TAF4B: variants seen among roughly 807,000 people sequenced by gnomAD.
TAF4B encodes the protein transcription initiation factor TFIID subunit 4B.
Under a neutral mutation model 86.4 loss-of-function variants are expected in TAF4B, and 38 were observed. The ratio of observed to expected loss-of-function variants is 0.44; its 90% confidence interval spans 0.34 to 0.58. The LOEUF is 0.58. Ranked by LOEUF, TAF4B falls within the 20% of genes least tolerant of loss-of-function variation. The probability of loss-of-function intolerance (pLI) is 0.02; values close to 1 mark genes in which losing one functional copy is unlikely to be tolerated. For synonymous variants in TAF4B, 388 were observed against 391.2 expected (o/e 0.99, Z 0.10); for missense variants, 988 against 1,027.6 (o/e 0.96, Z 0.53).
chr18:26,253,348 G>C (rs1279808740), intron 1 of TAF4B, among the ~76,000 whole-genome samples: 1 of 152,040 alleles, frequency 6.6e-6, no homozygotes, highest in East Asian at 1.9e-4. Flanking sequence ...TGTGTTTTTT[G>C]TCTTTCATTC....
intron 13 of TAF4B, among the ~76,000 whole-genome samples, chr18:26,337,907 C>G (rs958703283): frequency 6.6e-6 from 1 of 152,070 alleles, no homozygotes; most frequent in African/African-American, 2.4e-5. Context: ...GCACAGATGC[C>G]TTATGCTTGC....
At chr18:26,327,272 T>A (rs996938492) in intron 12 of TAF4B, 132 bp downstream of exon 12, 3 of 1,092,900 alleles carry the variant, frequency 2.7e-6, no homozygotes, top group Non-Finnish European at 3.8e-6. Context: ...ACGAAATTAC[T>A]AATAGGATGT....
At chr18:26,293,855 C>A (rs144435078) in intron 9 of TAF4B, among the ~76,000 whole-genome samples, 2 of 152,258 alleles carry the variant, frequency 1.3e-5, no homozygotes, top group East Asian at 3.9e-4. Context: ...CACGATAGAT[C>A]ATTTTTGTCT....
intron 9 of TAF4B, among the ~76,000 whole-genome samples, chr18:26,294,368 A>G (rs1005561462): frequency 1.3e-5 from 2 of 152,006 alleles, no homozygotes; most frequent in Non-Finnish European, 2.9e-5. Flanking sequence ...GCATTTTTCT[A>G]ATGGCTAAAG....
rs1186608403 is a variant in TAF4B, at chr18:26,286,160, A to G, written c.1251A>G (p.Pro417=). The change falls in exon 7 of 15, where the codon CCA becomes CCG. Residue 417 remains proline, a synonymous_variant. Coordinates refer to ENST00000269142, the MANE Select transcript of TAF4B (RefSeq NM_005640.3). Reference sequence around the variant, plus strand: ...TTGTGACACTTCATTCTGTGGGCCCAACTGCTGCAACAGGAGGAACAACAG... The same window carrying G: ...TTGTGACACTTCATTCTGTGGGCCCGACTGCTGCAACAGGAGGAACAACAG... ...AGVVTLHSVG[P]TAATGGTTAG... is the part of the protein sequence containing the mutation. The G allele has an allele frequency of 3.7e-6, 6 of 1,614,078 alleles. No homozygotes were observed. In the African/African-American group the frequency reaches 8.0e-5, roughly 22 times the overall value.
At chr18:26,285,551 A>G (rs2056509069) in intron 6 of TAF4B, among the ~76,000 whole-genome samples, 1 of 152,134 alleles carries the variant, frequency 6.6e-6, no homozygotes, top group Non-Finnish European at 1.5e-5. Context: ...AAATAAACTT[A>G]TAGATACTGA....
At chr18:26,242,651 C>T (rs552370391) in intron 1 of TAF4B, among the ~76,000 whole-genome samples, 4 of 152,262 alleles carry the variant, frequency 2.6e-5, no homozygotes, top group East Asian at 1.9e-4. Flanking sequence ...TTATTTTGCT[C>T]GTTAGTTGAT....
chr18:26,285,222 G>GTTTTTTTTTTTGTTTTTTTTTT (rs1555677501), intron 6 of TAF4B, among the ~76,000 whole-genome samples: 1 of 45,660 alleles, frequency 2.2e-5, no homozygotes, highest in African/African-American at 6.3e-5. Context: ...TTTTTTTTTT[G>GTTTTTTTTTTTGTTTTTTTTTT]TTTTTTTTTT....
At chr18:26,354,651 G>A (rs1266924279) in intron 13 of TAF4B, among the ~76,000 whole-genome samples, 2 of 152,156 alleles carry the variant, frequency 1.3e-5, no homozygotes, top group African/African-American at 2.4e-5. Context: ...GTCAAGGAGA[G>A]AATTTTTGTC....
chr18:26,245,709 A>G (rs2055913402), intron 1 of TAF4B, among the ~76,000 whole-genome samples: 1 of 152,194 alleles, frequency 6.6e-6, no homozygotes. Flanking sequence ...TTTACAGAGC[A>G]CTGATGGTTG....
At chr18:26,291,921 TTTG>T (rs1423507787) in intron 7 of TAF4B, among the ~76,000 whole-genome samples, 2 of 152,130 alleles carry the variant, frequency 1.3e-5, no homozygotes, top group Non-Finnish European at 2.9e-5. Flanking sequence ...TATAGATGGT[TTTG>T]TTTTATCCTG....
intron 14 of TAF4B, among the ~76,000 whole-genome samples, chr18:26,363,246 G>T (rs532557293): frequency 1.3e-5 from 2 of 151,752 alleles, no homozygotes. Context: ...TTTATTCATG[G>T]TGTTTTAACT....
At chr18:26,263,835 G>A (rs1293879602) in intron 1 of TAF4B, among the ~76,000 whole-genome samples, 2 of 152,084 alleles carry the variant, frequency 1.3e-5, no homozygotes, top group Non-Finnish European at 2.9e-5. Flanking sequence ...TGCCTCAGCA[G>A]TTGTCCCAAG....
In TAF4B at chr18:26,358,512, C is replaced by A. The variant is rs1241396074; in HGVS notation, c.2421+718C>A. Among the ~76,000 whole-genome samples, 6 of 152,238 alleles carry A rather than the reference C, an allele frequency of 3.9e-5. No homozygotes were observed. The East Asian group carries it at 1.2e-3, about 29-fold the overall frequency. On this transcript the variant is annotated intron_variant, in intron 14 of 14. Transcript: ENST00000269142. Reference sequence around the variant, plus strand: ...GATCACAAGGTCAGGAGATCGAGACCATCCTGTTTAACACGGTGAAAACCT... The same window carrying A: ...GATCACAAGGTCAGGAGATCGAGACAATCCTGTTTAACACGGTGAAAACCT...
intron 9 of TAF4B, among the ~76,000 whole-genome samples, chr18:26,308,889 A>G (rs564331178): frequency 6.6e-6 from 1 of 151,580 alleles, no homozygotes; most frequent in Admixed American, 6.6e-5. Context: ...CAAAAAAAAA[A>G]AAAAAAAAAA....
intron 7 of TAF4B, among the ~76,000 whole-genome samples, chr18:26,287,516 A>G (rs920422571): frequency 3.9e-5 from 6 of 152,238 alleles, no homozygotes; most frequent in African/African-American, 1.4e-4. Flanking sequence ...TATTTAAGAA[A>G]AGGTAAGTTT....
intron 9 of TAF4B, among the ~76,000 whole-genome samples, chr18:26,304,168 GTT>G (rs5823508): frequency 3.5e-4 from 44 of 125,368 alleles, no homozygotes; most frequent in Middle Eastern, 5.5e-3. Context: ...TAGGTCGACT[GTT>G]TTTTTTTTTT....
At chr18:26,281,090 T>G (rs1338056318) in intron 5 of TAF4B, among the ~76,000 whole-genome samples, 2 of 152,146 alleles carry the variant, frequency 1.3e-5, no homozygotes, top group African/African-American at 4.8e-5. Flanking sequence ...AGCTAAACAT[T>G]AAGTACACTT....
intron 9 of TAF4B, chr18:26,295,409 GA>G: frequency 5.7e-6 from 1 of 174,574 alleles, no homozygotes; most frequent in Non-Finnish European, 1.2e-5. Context: ...GATTGAGGGG[GA>G]GGGGATAGTT....
Sources: gnomAD v4.1 joint callset for allele counts (sites outside exome capture counted in the v4.1 genomes callset) on GRCh38, gnomAD v4.1.1 for gene constraint, MANE v1.5 for transcripts, NCBI Gene and HGNC (gene_info 2026-07-23, HGNC 2026-07-21) for gene names.